CCDC158: variants seen among roughly 807,000 people sequenced by gnomAD.
CCDC158 encodes coiled-coil domain-containing protein 158.
A neutral mutation model predicts 138.6 loss-of-function variants in CCDC158; 116 were observed. The ratio of observed to expected loss-of-function variants is 0.84; its 90% confidence interval spans 0.72 to 0.98. The LOEUF is 0.98. Ranked by LOEUF, CCDC158 falls within the 50% of genes least tolerant of loss-of-function variation. The probability of loss-of-function intolerance (pLI) is 0.00; values close to 1 mark genes in which losing one functional copy is unlikely to be tolerated. For synonymous variants in CCDC158, 436 were observed against 442.4 expected, an observed-to-expected ratio of 0.99 and a Z score of 0.18; for missense variants, 1,265 against 1,306.1, an observed-to-expected ratio of 0.97 and a Z score of 0.48.
intron 18 of CCDC158, chr4:76,345,563 C>A: frequency 9.3e-7 from 1 of 1,070,004 alleles, no homozygotes; most frequent in Non-Finnish European, 1.5e-6. Context: ...TTTTGCAGAG[C>A]TGTATTGACT....
At chr4:76,337,253 G>A (rs1329542805) in intron 18 of CCDC158, among the ~76,000 whole-genome samples, 1 of 152,110 alleles carries the variant, frequency 6.6e-6, no homozygotes, top group Non-Finnish European at 1.5e-5. Context: ...GCCTCCCAAA[G>A]TGCTCCCATG....
At chr4:76,414,276 C>G (rs942047342) in intron 1 of CCDC158, 6 of 152,190 alleles carry the variant, frequency 3.9e-5, no homozygotes, top group African/African-American at 1.4e-4. Flanking sequence ...CCCAAATCTG[C>G]TCTTTTCATC....
chr4:76,345,092 T>G, intron 18 of CCDC158: 1 of 1,276,928 alleles, frequency 7.8e-7, no homozygotes, highest in South Asian at 1.2e-5. Flanking sequence ...TCATAAAAAT[T>G]GTTGCCGATG....
At chr4:76,326,324 A>G (rs1217883226) in intron 22 of CCDC158, among the ~76,000 whole-genome samples, 1 of 152,194 alleles carries the variant, frequency 6.6e-6, no homozygotes, top group Non-Finnish European at 1.5e-5. Flanking sequence ...CCCTAGAGTA[A>G]GGTAATCTCA....
chr4:76,367,510 A>G lies in CCDC158; in HGVS notation c.1614T>C (p.Asn538=). The G allele has an allele frequency of 6.2e-7, 1 of 1,613,984 alleles. No individual in the cohort carries two copies. The highest frequency in any genetic ancestry group is 1.3e-5 in the African/African-American group (1 of 74,948). Residue 538 remains asparagine (N), a synonymous_variant, in exon 12 of 25, where the codon AAT becomes AAC. Transcript: ENST00000682701. The part of the protein sequence containing the change: ...LKLQELQHLK[N]EGDHLRNVQT... ...GCACATTTCTGAGATGATCCCCTTC[A>G]TTTTTCAAGTGTTGCAGCTCCTGCA... is the stretch of plus-strand genomic sequence containing the variant.
intron 14 of CCDC158, among the ~76,000 whole-genome samples, chr4:76,356,253 C>G (rs1578956565): frequency 6.6e-6 from 1 of 152,258 alleles, no homozygotes; most frequent in East Asian, 1.9e-4. Flanking sequence ...TAAACTGACA[C>G]TGTATATTGA....
At chr4:76,358,971 T>A (rs1049695645) in intron 13 of CCDC158, among the ~76,000 whole-genome samples, 2 of 152,286 alleles carry the variant, frequency 1.3e-5, no homozygotes. Context: ...TAATTCTTAG[T>A]GTTGGAGGAG....
At chr4:76,393,556 T>C (rs1727502795) in intron 4 of CCDC158, among the ~76,000 whole-genome samples, 1 of 151,928 alleles carries the variant, frequency 6.6e-6, no homozygotes, top group East Asian at 1.9e-4. Context: ...GGTCAACTTC[T>C]CAGGCACTGA....
chr4:76,340,323 T>A (rs1404646871), intron 18 of CCDC158, among the ~76,000 whole-genome samples: 1 of 152,196 alleles, frequency 6.6e-6, no homozygotes, highest in African/African-American at 2.4e-5. Flanking sequence ...TAAGCATTAC[T>A]TCCCAACCAC....
intron 1 of CCDC158, among the ~76,000 whole-genome samples, chr4:76,416,984 T>C (rs181896476): frequency 9.2e-5 from 14 of 152,260 alleles, no homozygotes; most frequent in Non-Finnish European, 1.9e-4. Flanking sequence ...ACCAACACCT[T>C]GCACTGTGCA....
intron 9 of CCDC158, among the ~76,000 whole-genome samples, chr4:76,372,142 T>C (rs1725308725): frequency 6.6e-6 from 1 of 152,130 alleles, no homozygotes; most frequent in Admixed American, 6.5e-5. Context: ...GTTCTATAAT[T>C]TGGTATTTAA....
Position 76,313,050 on chromosome 4 carries a change from A to G in CCDC158, c.*120T>C. On this transcript the variant is annotated 3_prime_UTR_variant, in exon 25 of 25. Transcript: ENST00000682701. Reference sequence around the variant, plus strand: ...AGTTTATTTCAAAATAGAGTTTACAAGACAGGGTATCTTTTATTAAATTTT... The same window carrying G: ...AGTTTATTTCAAAATAGAGTTTACAGGACAGGGTATCTTTTATTAAATTTT... The G allele has an allele frequency of 3.3e-6, 2 of 602,356 alleles. No individual in the cohort carries two copies. Among genetic ancestry groups the G allele is most frequent in the Non-Finnish European group, 5.8e-6 (2 of 345,482 alleles). 37.3% of individuals were successfully genotyped at this position (602,356 alleles called of 1,614,324 possible). A position where few individuals can be genotyped will look rare whatever the true frequency, so the allele number is the denominator to read the frequency against.
intron 9 of CCDC158, chr4:76,375,520 A>T: frequency 1.4e-6 from 1 of 701,298 alleles, no homozygotes; most frequent in Non-Finnish European, 2.6e-6. Context: ...CTACTAAATC[A>T]TCACTTTTTT....
Position 76,328,971 on chromosome 4 carries a change from G to C in CCDC158, c.2943-4C>G. On this transcript the variant is annotated splice_region_variant and splice_polypyrimidine_tract_variant and intron_variant, in intron 21 of 24. Coordinates refer to ENST00000682701, the MANE Select transcript of CCDC158 (RefSeq NM_001394954.1). ...TGCGTGTAATGTGACTGGCTCTCTGGAAGCATAAGAATGGTAATGCAAGCA... is the reference window on the plus strand; with the variant it reads ...TGCGTGTAATGTGACTGGCTCTCTGCAAGCATAAGAATGGTAATGCAAGCA... 1 of 1,612,330 alleles carries C rather than the reference G, an allele frequency of 6.2e-7. No individual in the cohort carries two copies. The highest frequency in any genetic ancestry group is 8.5e-7 in the Non-Finnish European group (1 of 1,178,444).
chr4:76,369,317 C>A (rs1724999261), intron 11 of CCDC158, 109 bp downstream of exon 11: 3 of 895,680 alleles, frequency 3.3e-6, no homozygotes, highest in South Asian at 2.4e-5. Flanking sequence ...ATTTTAGGAG[C>A]CATTTTAGGT....
intron 9 of CCDC158, chr4:76,375,645 G>C (rs899872443): frequency 2.8e-6 from 2 of 701,950 alleles, no homozygotes; most frequent in African/African-American, 1.7e-5. Flanking sequence ...CAAATCTACA[G>C]AGCCAATAGT....
intron 17 of CCDC158, among the ~76,000 whole-genome samples, 155 bp downstream of exon 17, chr4:76,351,565 G>T (rs1321377192): frequency 6.6e-6 from 1 of 152,110 alleles, no homozygotes; most frequent in African/African-American, 2.4e-5. Context: ...GATAGGTATA[G>T]TATATAACAA....
intron 21 of CCDC158, among the ~76,000 whole-genome samples, chr4:76,330,731 G>A (rs1403766592): frequency 6.6e-6 from 1 of 152,058 alleles, no homozygotes; most frequent in Non-Finnish European, 1.5e-5. Context: ...ATCTAAGAAT[G>A]GTTTAAAGAA....
chr4:76,364,710 T>A (rs1724488366), intron 12 of CCDC158, among the ~76,000 whole-genome samples: 1 of 152,250 alleles, frequency 6.6e-6, no homozygotes. Context: ...AAATATTGAC[T>A]TTCTTTGGTC....
Sources: gnomAD v4.1 joint callset for allele counts (sites outside exome capture counted in the v4.1 genomes callset) on GRCh38, gnomAD v4.1.1 for gene constraint, MANE v1.5 for transcripts, NCBI Gene and HGNC (gene_info 2026-07-23, HGNC 2026-07-21) for gene names.